The following ABCE1 variants were observed in gnomAD, a reference collection of about 807,000 sequenced individuals.
ABCE1 encodes the protein ATP-binding cassette sub-family E member 1.
Under a neutral mutation model 83.4 loss-of-function variants are expected in ABCE1, and 22 were observed. That is an observed-to-expected ratio of 0.26 (90% CI 0.19 to 0.38). ABCE1 has a LOEUF of 0.38. Ranked by LOEUF, ABCE1 falls within the 10% of genes least tolerant of loss-of-function variation. The pLI is 1.00. For synonymous variants in ABCE1, 204 were observed against 233.7 expected (o/e 0.87, Z 1.16); for missense variants, 330 against 721.9 (o/e 0.46, Z 6.22).
At chr4:145,100,369 A>T (rs769559046) in intron 1 of ABCE1, among the ~76,000 whole-genome samples, 9 of 152,204 alleles carry the variant, frequency 5.9e-5, no homozygotes, top group Non-Finnish European at 8.8e-5. Context: ...ATTGTCTTTT[A>T]CAGTCTTTTG....
At chr4:145,101,234 G>A (rs1193728160) in intron 1 of ABCE1, among the ~76,000 whole-genome samples, 1 of 152,090 alleles carries the variant, frequency 6.6e-6, no homozygotes, top group Non-Finnish European at 1.5e-5. Context: ...ATTGAAAGGA[G>A]TAAGCCATGT....
Position 145,109,185 on chromosome 4 carries a change from T to C in ABCE1, c.341T>C (p.Ile114Thr). 1 of 1,613,242 alleles carries C rather than the reference T, an allele frequency of 6.2e-7. No individual in the cohort carries two copies. ...TTGGGATTAGTTGGAACTAATGGTA[T>C]TGGAAAGTCAACTGCTTTAAAAATT... ...EVLGLVGTNG[I>T]GKSTALKILA... The change falls in exon 5 of 18, where the codon ATT (isoleucine) becomes ACT (threonine). Residue 114 changes from isoleucine (I) to threonine (T), a missense_variant. Transcript: ENST00000296577.
intron 10 of ABCE1, among the ~76,000 whole-genome samples, chr4:145,118,555 T>C (rs1749663673): frequency 2.0e-5 from 3 of 151,742 alleles, no homozygotes; most frequent in Admixed American, 1.3e-4. Flanking sequence ...TTAACAAATA[T>C]GTATTGAGTA....
intron 1 of ABCE1, 172 bp downstream of exon 1, chr4:145,098,591 C>T (rs987290221): frequency 2.0e-5 from 3 of 152,286 alleles, no homozygotes; most frequent in Admixed American, 6.5e-5. Context: ...CGGGCGACGC[C>T]GAGAGCTTGG....
chr4:145,126,663 T>A (rs990357889), intron 17 of ABCE1, among the ~76,000 whole-genome samples: 1 of 152,218 alleles, frequency 6.6e-6, no homozygotes, highest in Admixed American at 6.5e-5. Context: ...TCCATCATCC[T>A]TAATGCTTAA....
At position 145,128,713 on chromosome 4, in the gene ABCE1, G is replaced by T. The variant is rs1364858628; in HGVS notation, c.*1140G>T. The T allele has an allele frequency of 1.3e-5, 2 of 152,196 alleles. No homozygotes were observed. Among genetic ancestry groups the T allele is most frequent in the African/African-American group, 4.8e-5 (2 of 41,456 alleles). 9.4% of individuals were successfully genotyped at this position (152,196 alleles called of 1,614,324 possible). ...CTAAACTGGAATTATGAGTGAGGAA[G>T]AGTGTTTACTAAATAAATGACTGGG... On this transcript the variant is annotated 3_prime_UTR_variant, in exon 18 of 18. Transcript: ENST00000296577.
In ABCE1 at chr4:145,111,076, T is replaced by G; in HGVS notation, c.710+12T>G. On this transcript the variant is annotated intron_variant, in intron 8 of 17. Coordinates refer to ENST00000296577, the MANE Select transcript of ABCE1 (RefSeq NM_002940.3). The stretch of plus-strand genomic sequence containing the variant: ...CAGAAAGCTGATATGTAGGTTACTT[T>G]ACAATTTTTGTTTATCTTCATCCGT... 6.3e-7 allele frequency: 1 copy of G among 1,596,978 alleles called. No individual in the cohort carries two copies. Among genetic ancestry groups the G allele is most frequent in the Non-Finnish European group, 8.5e-7 (1 of 1,169,698 alleles).
In ABCE1 at chr4:145,120,021, A is replaced by G. The variant is rs987036370; in HGVS notation, c.1012A>G (p.Asn338Asp). 1.2e-6 allele frequency: 2 copies of G among 1,612,554 alleles called. No individual in the cohort carries two copies. The highest frequency in any genetic ancestry group is 1.7e-6 in the Non-Finnish European group (2 of 1,179,178). The change falls in exon 11 of 18, where the codon AAT becomes GAT. Residue 338 changes from asparagine to aspartate, a missense_variant. Physicochemically the swap from Asn to Asp is conservative, Grantham distance 23 (BLOSUM62 1). Transcript: ENST00000296577. Reference sequence around the variant, plus strand: ...TGTTTTTAAAGTGGCTGAGACAGCAAATGAAGAAGAAGTTAAAAAGATGTG... The same window carrying G: ...TGTTTTTAAAGTGGCTGAGACAGCAGATGAAGAAGAAGTTAAAAAGATGTG... Reference protein sequence around the residue: ...SLVFKVAETANEEEVKKMCMY... With the variant: ...SLVFKVAETADEEEVKKMCMY...
chr4:145,120,424 T>C (rs1157288041), intron 11 of ABCE1, among the ~76,000 whole-genome samples: 1 of 152,062 alleles, frequency 6.6e-6, no homozygotes, highest in Non-Finnish European at 1.5e-5. Context: ...TACATGTAAA[T>C]TGATAAGGCA....
chr4:145,123,335 A>T lies in ABCE1; in HGVS notation c.1495A>T (p.Met499Leu), dbSNP rs189173956. The T allele has an allele frequency of 6.2e-7, 1 of 1,608,330 alleles. No homozygotes were observed. The highest frequency in any genetic ancestry group is 2.2e-5 in the East Asian group (1 of 44,824). ...ATATTTGGATTCTGAGCAAAGACTG[A>T]TGGCAGCTCGAGTTGTCAAACGGTA... is the stretch of plus-strand genomic sequence containing the variant. ...SAYLDSEQRL[M>L]AARVVKRFIL... The change falls in exon 15 of 18, where the codon ATG becomes TTG. Residue 499 changes from methionine (M) to leucine (L), a missense_variant. Coordinates refer to ENST00000296577, the MANE Select transcript of ABCE1 (RefSeq NM_002940.3).
At chr4:145,109,280 T>A in intron 5 of ABCE1, 31 bp downstream of exon 5, 3 of 1,333,416 alleles carry the variant, frequency 2.2e-6, no homozygotes, top group Non-Finnish European at 3.1e-6. Flanking sequence ...AAAATTAATA[T>A]CATGAGTCAG....
intron 16 of ABCE1, among the ~76,000 whole-genome samples, chr4:145,124,309 A>T (rs1272897116): frequency 1.3e-5 from 2 of 151,588 alleles, no homozygotes; most frequent in African/African-American, 4.8e-5. Context: ...TTAATAATTC[A>T]TCTAAGAAAT....
At chr4:145,127,257 C>G (rs1455083405) in intron 17 of ABCE1, among the ~76,000 whole-genome samples, 1 of 152,060 alleles carries the variant, frequency 6.6e-6, no homozygotes, top group Non-Finnish European at 1.5e-5. Flanking sequence ...TAACACATAG[C>G]AAAATTTTAT....
At chr4:145,098,758 C>A (rs1748979589) in intron 1 of ABCE1, among the ~76,000 whole-genome samples, 1 of 152,246 alleles carries the variant, frequency 6.6e-6, no homozygotes, top group African/African-American at 2.4e-5. Flanking sequence ...AGGAAGGCAC[C>A]TTTAGAACTT....
intron 7 of ABCE1, 32 bp downstream of exon 7, chr4:145,110,476 A>ATATT (rs779050847): frequency 6.3e-7 from 1 of 1,588,012 alleles, no homozygotes; most frequent in South Asian, 1.1e-5. Context: ...GTGTGAATAT[A>ATATT]TATTTATTTA....
intron 17 of ABCE1, among the ~76,000 whole-genome samples, chr4:145,126,775 G>A (rs1174152330): frequency 6.6e-6 from 1 of 152,136 alleles, no homozygotes; most frequent in East Asian, 1.9e-4. Flanking sequence ...AATGCCAGAG[G>A]CAAAGTTATC....
rs746180139 is a variant in ABCE1, at chr4:145,120,099, A to G, written c.1090A>G (p.Ile364Val). Residue 364 changes from isoleucine to valine, a missense_variant, in exon 11 of 18, where the codon ATT (isoleucine) becomes GTT (valine). Transcript: ENST00000296577. ...KKKMGEFELA[I>V]VAGEFTDSEI... is the part of the protein sequence containing the mutation. ...AAAAATGGGAGAATTTGAGCTAGCA[A>G]TTGTAGCTGGAGAGTTTACAGATTC... The G allele has an allele frequency of 2.5e-5, 41 of 1,612,048 alleles. No homozygotes were observed. Among genetic ancestry groups the G allele is most frequent in the Non-Finnish European group, 3.3e-5 (39 of 1,179,262 alleles).
chr4:145,126,016 G>C lies in ABCE1; in HGVS notation c.1752+915G>C, dbSNP rs889334444. Among the ~76,000 whole-genome samples, 9 of 152,182 alleles carry C rather than the reference G, an allele frequency of 5.9e-5. No individual in the cohort carries two copies. In the East Asian group the frequency reaches 1.7e-3, roughly 29 times the overall value. ...AGATCGTTCCACTGTACTCCAGCCTGGGCAACAGAGCGAGTCTCTGTCCCT... is the reference window on the plus strand; with the variant it reads ...AGATCGTTCCACTGTACTCCAGCCTCGGCAACAGAGCGAGTCTCTGTCCCT... On this transcript the variant is annotated intron_variant, in intron 17 of 17. Coordinates refer to ENST00000296577, the MANE Select transcript of ABCE1 (RefSeq NM_002940.3).
intron 9 of ABCE1, among the ~76,000 whole-genome samples, chr4:145,112,879 C>T (rs1339985421): frequency 2.0e-5 from 3 of 152,134 alleles, no homozygotes; most frequent in Admixed American, 2.0e-4. Flanking sequence ...GCAGATGAAG[C>T]ACAAGGTCAA....
Sources: allele counts gnomAD v4.1 joint callset (sites outside exome capture counted in the v4.1 genomes callset), GRCh38; gene constraint gnomAD v4.1.1; transcripts MANE v1.5; gene names NCBI Gene and HGNC (gene_info 2026-07-23, HGNC 2026-07-21).